The following PNO1 variants were observed in gnomAD, a reference collection of about 807,000 sequenced individuals.
The protein encoded by PNO1 is partner of NOB1 homolog.
Under a neutral mutation model 28.4 loss-of-function variants are expected in PNO1, and 16 were observed. That is an observed-to-expected ratio of 0.56 (90% CI 0.38 to 0.85). The LOEUF is 0.85. Ranked by LOEUF, PNO1 falls within the 40% of genes least tolerant of loss-of-function variation. PNO1 has a pLI of 0.00. For missense variants in PNO1, 304 were observed against 312.2 expected, an observed-to-expected ratio of 0.97 and a Z score of 0.20; for synonymous variants, 115 against 110.8, an observed-to-expected ratio of 1.04 and a Z score of -0.24.
intron 5 of PNO1, among the ~76,000 whole-genome samples, chr2:68,163,239 A>G (rs1234690564): frequency 2.0e-5 from 3 of 152,198 alleles, no homozygotes; most frequent in South Asian, 4.1e-4. Flanking sequence ...GAAGATTTAA[A>G]TAATATCTCG....
chr2:68,169,543 T>C (rs988588890), intron 5 of PNO1, among the ~76,000 whole-genome samples: 2 of 152,222 alleles, frequency 1.3e-5, no homozygotes, highest in Non-Finnish European at 2.9e-5. Context: ...GGCTGTGAAG[T>C]TGTCGTACAG....
chr2:68,161,000 T>G (rs55752505), intron 2 of PNO1, among the ~76,000 whole-genome samples: 63,090 of 152,110 alleles, frequency 0.41, 13,359 homozygotes, highest in South Asian at 0.62. Context: ...TTTTTGCTTT[T>G]TAGTACTTTA....
chr2:68,160,015 C>T (rs1277850171), intron 2 of PNO1, among the ~76,000 whole-genome samples: 3 of 142,616 alleles, frequency 2.1e-5, no homozygotes, highest in Non-Finnish European at 4.5e-5. Context: ...GTTGCCCAGG[C>T]TGGAGTGCAG....
chr2:68,174,597 A>G (rs1472138762), intron 6 of PNO1, 138 bp from the exon 7 acceptor site: 1 of 557,804 alleles, frequency 1.8e-6, no homozygotes, highest in Non-Finnish European at 3.3e-6. Context: ...CATATTTTTT[A>G]TGTAAGAGAC....
At chr2:68,160,080 T>C (rs1223210611) in intron 2 of PNO1, among the ~76,000 whole-genome samples, 1 of 150,572 alleles carries the variant, frequency 6.6e-6, no homozygotes, top group African/African-American at 2.5e-5. Context: ...GCCATTCTCC[T>C]GCCTCAGCCT....
intron 5 of PNO1, among the ~76,000 whole-genome samples, chr2:68,163,330 G>A (rs1264119126): frequency 6.6e-6 from 1 of 152,110 alleles, no homozygotes; most frequent in East Asian, 1.9e-4. Context: ...TCAGGAGTTC[G>A]AGACCAGTCT....
intron 5 of PNO1, among the ~76,000 whole-genome samples, chr2:68,165,772 A>G (rs1382886461): frequency 6.6e-6 from 1 of 152,206 alleles, no homozygotes; most frequent in African/African-American, 2.4e-5. Flanking sequence ...TAAATTTATA[A>G]GTATATTTGT....
At chr2:68,158,835 G>A (rs540384725) in intron 2 of PNO1, among the ~76,000 whole-genome samples, 45 of 152,294 alleles carry the variant, frequency 3.0e-4, no homozygotes, top group Middle Eastern at 3.4e-3. Context: ...ATAAACAGAA[G>A]CAGGTAAATA....
intron 1 of PNO1, 41 bp downstream of exon 1, chr2:68,158,182 C>T: frequency 6.5e-7 from 1 of 1,531,562 alleles, no homozygotes; most frequent in Non-Finnish European, 8.8e-7. Context: ...AGGCAAGGGC[C>T]AGACGCGGAT....
At chr2:68,158,657 C>A in intron 2 of PNO1, 128 bp downstream of exon 2, 1 of 774,174 alleles carries the variant, frequency 1.3e-6, no homozygotes, top group Non-Finnish European at 1.9e-6. Flanking sequence ...AAAAATTTAC[C>A]ATATTGAGTT....
chr2:68,159,496 C>G (rs1377130680), intron 2 of PNO1, among the ~76,000 whole-genome samples: 1 of 151,452 alleles, frequency 6.6e-6, no homozygotes, highest in African/African-American at 2.4e-5. Context: ...GTGAGCTGCC[C>G]CACCGAGCCT....
At chr2:68,162,735 A>G (rs1673869220) in intron 5 of PNO1, 72 bp downstream of exon 5, 1 of 1,001,408 alleles carries the variant, frequency 1.0e-6, no homozygotes, top group Non-Finnish European at 1.6e-6. Context: ...AAGTCATAAC[A>G]GTTGTATTTT....
chr2:68,167,377 G>A (rs1409092752), intron 5 of PNO1, among the ~76,000 whole-genome samples: 1 of 152,132 alleles, frequency 6.6e-6, no homozygotes, highest in African/African-American at 2.4e-5. Flanking sequence ...CCTGACTTCA[G>A]GGAAAAAGCA....
At chr2:68,161,368 G>A (rs897404509) in intron 2 of PNO1, 1 of 469,414 alleles carries the variant, frequency 2.1e-6, no homozygotes, top group Non-Finnish European at 4.3e-6. Context: ...AGAAGGTAGA[G>A]GTTCTTCAGA....
intron 5 of PNO1, among the ~76,000 whole-genome samples, chr2:68,172,299 A>C (rs1674151658): frequency 6.6e-6 from 1 of 152,164 alleles, no homozygotes; most frequent in Non-Finnish European, 1.5e-5. Context: ...GGGAGGCAAG[A>C]GGGAGAGCAT....
chr2:68,157,899 C>A lies in PNO1; in HGVS notation c.-36C>A, dbSNP rs1450793362. 1 of 1,584,290 alleles carries A rather than the reference C, an allele frequency of 6.3e-7. No individual in the cohort carries two copies. Among genetic ancestry groups the A allele is most frequent in the Admixed American group, 1.7e-5 (1 of 59,790 alleles). On this transcript the variant is annotated 5_prime_UTR_variant, in exon 1 of 7. Transcript: ENST00000263657. ...GGCTTCTGCGTGGTGCAGCTGCGCACGTGTTTCAGCCGGCAGCGCTTTAAG... is the reference window on the plus strand; with the variant it reads ...GGCTTCTGCGTGGTGCAGCTGCGCAAGTGTTTCAGCCGGCAGCGCTTTAAG...
rs987996347 is a variant in PNO1 at position 68,175,608 on chromosome 2, C to G, written c.*806C>G. ...GTCATAAGCAGTGGTTTTGGCCATA[C>G]CGTATTATACCATATACATCAGTAA... On this transcript the variant is annotated 3_prime_UTR_variant, in exon 7 of 7. Coordinates refer to ENST00000263657, the MANE Select transcript of PNO1 (RefSeq NM_020143.4). 4 of 151,644 alleles carry G rather than the reference C, an allele frequency of 2.6e-5. No individual in the cohort carries two copies. Among genetic ancestry groups the G allele is most frequent in the African/African-American group, 9.7e-5 (4 of 41,146 alleles). The allele number at this position is 151,644 out of a possible 1,614,324, so 9.4% of individuals were successfully genotyped here. A position where few individuals can be genotyped will look rare whatever the true frequency, so the allele number is the denominator to read the frequency against.
At chr2:68,166,556 G>A (rs182714893) in intron 5 of PNO1, among the ~76,000 whole-genome samples, 1 of 152,236 alleles carries the variant, frequency 6.6e-6, no homozygotes, top group Admixed American at 6.5e-5. Flanking sequence ...AGATGTGGAA[G>A]GCGAGGCAGG....
Position 68,157,987 on chromosome 2 carries a change from A to G in PNO1, c.53A>G (p.Gln18Arg). ...QSARAEEGFT[Q>R]VTRKGGRRAK... is the part of the protein sequence containing the mutation. ...GCCAGGGCAGAGGAGGGCTTTACCC[A>G]GGTCACCCGCAAGGGTGGCCGACGG... Residue 18 changes from glutamine (Q) to arginine (R), a missense_variant, in exon 1 of 7, where the codon CAG becomes CGG. Transcript: ENST00000263657. 1.2e-6 allele frequency: 2 copies of G among 1,614,160 alleles called. No homozygotes were observed. The highest frequency in any genetic ancestry group is 2.2e-5 in the South Asian group (2 of 91,090).
Sources: gnomAD v4.1 joint callset for allele counts (sites outside exome capture counted in the v4.1 genomes callset) on GRCh38, gnomAD v4.1.1 for gene constraint, MANE v1.5 for transcripts, NCBI Gene and HGNC (gene_info 2026-07-23, HGNC 2026-07-21) for gene names.